The following MCPH1 variants were observed in gnomAD, a reference collection of about 807,000 sequenced individuals.
The protein encoded by MCPH1 is microcephalin 1.
A neutral mutation model predicts 84.5 loss-of-function variants in MCPH1; 104 were observed. The observed-to-expected ratio is 1.23, with a 90% confidence interval of 1.05 to 1.45. The LOEUF (loss-of-function observed/expected upper bound fraction) is 1.45. Ranked by LOEUF, MCPH1 falls within the 40% of genes most tolerant of loss-of-function variation. The probability of loss-of-function intolerance (pLI) is 0.00; values close to 1 mark genes in which losing one functional copy is unlikely to be tolerated. For synonymous variants in MCPH1, 514 were observed against 366.8 expected, an observed-to-expected ratio of 1.40 and a Z score of -4.58; for missense variants, 1,498 against 1,005.7, an observed-to-expected ratio of 1.49 and a Z score of -6.62.
At chr8:6,641,378 C>T (rs891708528) in intron 13 of MCPH1, among the ~76,000 whole-genome samples, 11 of 152,056 alleles carry the variant, frequency 7.2e-5, no homozygotes, top group African/African-American at 2.4e-4. Context: ...AAGCCAGATG[C>T]AATAAGACAA....
chr8:6,560,972 A>C (rs1268640413), intron 12 of MCPH1, among the ~76,000 whole-genome samples: 2 of 152,248 alleles, frequency 1.3e-5, no homozygotes. Flanking sequence ...TATTTACTGC[A>C]GTGCATCTTT....
chr8:6,645,326 T>C lies in MCPH1; in HGVS notation c.*2277T>C, dbSNP rs1798164125. The C allele has an allele frequency of 6.6e-6, 1 of 152,186 alleles. No homozygotes were observed. Among genetic ancestry groups the C allele is most frequent in the South Asian group, 2.1e-4 (1 of 4,832 alleles). The allele number at this position is 152,186 out of a possible 1,614,324, so 9.4% of individuals were successfully genotyped here. On this transcript the variant is annotated 3_prime_UTR_variant, in exon 14 of 14. Coordinates refer to ENST00000344683, the MANE Select transcript of MCPH1 (RefSeq NM_024596.5). ...ACATTACACTAAGCACATTATATGT[T>C]GTACTTCATTTTACCCTTTCAACAA...
chr8:6,474,992 T>C (rs1338770467), intron 9 of MCPH1, among the ~76,000 whole-genome samples: 1 of 152,248 alleles, frequency 6.6e-6, no homozygotes, highest in East Asian at 1.9e-4. Context: ...GGAATACTTT[T>C]TTTAGTGCTG....
In MCPH1 at chr8:6,575,077, C is replaced by G. The variant is rs569780874; in HGVS notation, c.2215-46377C>G. Among the ~76,000 whole-genome samples, 8 of 152,254 alleles carry G rather than the reference C, an allele frequency of 5.3e-5. No individual in the cohort carries two copies. The East Asian group carries it at 1.5e-3, about 29-fold the overall frequency. On this transcript the variant is annotated intron_variant, in intron 12 of 13. Coordinates refer to ENST00000344683, the MANE Select transcript of MCPH1 (RefSeq NM_024596.5). ...GGGGAGAGCTAGCAGAGAGGCAATG[C>G]ATGCAGCTTGCACACATTCAGTTTA...
chr8:6,549,888 A>G (rs1377760962), intron 12 of MCPH1, among the ~76,000 whole-genome samples: 1 of 152,230 alleles, frequency 6.6e-6, no homozygotes, highest in Non-Finnish European at 1.5e-5. Flanking sequence ...AAAAAAGAAA[A>G]GAAAAGAAAA....
At chr8:6,421,927 C>T (rs1268171356) in intron 3 of MCPH1, among the ~76,000 whole-genome samples, 3 of 152,196 alleles carry the variant, frequency 2.0e-5, no homozygotes, top group Non-Finnish European at 4.4e-5. Flanking sequence ...AACTCTGCCC[C>T]GTCTTCCTGA....
At chr8:6,439,731 T>C (rs1429272536) in intron 6 of MCPH1, among the ~76,000 whole-genome samples, 1 of 152,210 alleles carries the variant, frequency 6.6e-6, no homozygotes, top group Non-Finnish European at 1.5e-5. Context: ...GGAATTTGCT[T>C]TAGATTAATG....
chr8:6,624,954 C>A, intron 13 of MCPH1: 23 of 712,894 alleles, frequency 3.2e-5, no homozygotes, highest in Non-Finnish European at 4.0e-5. Flanking sequence ...CAGCTCACTG[C>A]AACCTTCACC....
intron 12 of MCPH1, among the ~76,000 whole-genome samples, chr8:6,591,575 T>C (rs1170646806): frequency 1.3e-5 from 2 of 152,234 alleles, no homozygotes; most frequent in South Asian, 2.1e-4. Flanking sequence ...AAGAGCACTT[T>C]AGAAATATCT....
chr8:6,570,797 A>ATTG, intron 12 of MCPH1, among the ~76,000 whole-genome samples: 1 of 125,196 alleles, frequency 8.0e-6, no homozygotes, highest in African/African-American at 3.1e-5. Context: ...GAGCAGATGG[A>ATTG]TTGTTGTTTT....
chr8:6,546,836 C>T (rs936973113), intron 12 of MCPH1, among the ~76,000 whole-genome samples: 7 of 152,240 alleles, frequency 4.6e-5, no homozygotes, highest in East Asian at 1.9e-4. Flanking sequence ...ATATGTTTAT[C>T]GGAAAGCGAG....
At chr8:6,553,466 T>A (rs2959762) in intron 12 of MCPH1, among the ~76,000 whole-genome samples, 76 of 152,202 alleles carry the variant, frequency 5.0e-4, no homozygotes, top group Non-Finnish European at 8.7e-4. Flanking sequence ...CTAATGGTAA[T>A]TGCGTCGGCT....
chr8:6,409,840 T>C (rs1034745596), intron 2 of MCPH1, among the ~76,000 whole-genome samples: 1 of 151,906 alleles, frequency 6.6e-6, no homozygotes, highest in African/African-American at 2.4e-5. Context: ...TCAGGCATGG[T>C]TAGGATGAAG....
chr8:6,520,382 T>G (rs915934322), intron 12 of MCPH1, among the ~76,000 whole-genome samples: 1 of 152,194 alleles, frequency 6.6e-6, no homozygotes, highest in African/African-American at 2.4e-5. Context: ...CCCTAAACAC[T>G]GTTATCTGTA....
At chr8:6,409,473 C>A in intron 2 of MCPH1, 103 bp downstream of exon 2, 1 of 914,380 alleles carries the variant, frequency 1.1e-6, no homozygotes, top group Non-Finnish European at 1.8e-6. Flanking sequence ...AGAATCTGGA[C>A]GAAGCAATGG....
At chr8:6,502,299 C>T (rs1812339202) in intron 12 of MCPH1, 1 of 151,902 alleles carries the variant, frequency 6.6e-6, no homozygotes, top group African/African-American at 2.4e-5. Context: ...AGGCATATCC[C>T]CTAATAAGTT....
chr8:6,641,475 G>C (rs539026121), intron 13 of MCPH1, among the ~76,000 whole-genome samples: 1 of 152,196 alleles, frequency 6.6e-6, no homozygotes, highest in African/African-American at 2.4e-5. Context: ...GGTGTGGTGG[G>C]TTATGTCTAT....
chr8:6,630,443 A>G (rs1325697625), intron 13 of MCPH1, among the ~76,000 whole-genome samples: 1 of 152,244 alleles, frequency 6.6e-6, no homozygotes, highest in Non-Finnish European at 1.5e-5. Flanking sequence ...TTCAAGAAAT[A>G]GAAAATCTAA....
chr8:6,410,264 G>A (rs1399098279), intron 2 of MCPH1, among the ~76,000 whole-genome samples: 2 of 151,956 alleles, frequency 1.3e-5, no homozygotes, highest in African/African-American at 4.8e-5. Flanking sequence ...ATGAGCCACC[G>A]AGCCCGGCCA....
Sources: gnomAD v4.1 joint callset for allele counts (sites outside exome capture counted in the v4.1 genomes callset) on GRCh38, gnomAD v4.1.1 for gene constraint, MANE v1.5 for transcripts, NCBI Gene and HGNC (gene_info 2026-07-23, HGNC 2026-07-21) for gene names.